Variants in SDK1 observed in about 807,000 individuals in gnomAD.
SDK1 encodes the protein sidekick cell adhesion molecule 1.
In SDK1, 157 loss-of-function variants were observed where a neutral mutation model predicts 245.5. That is an observed-to-expected ratio of 0.64 (90% confidence interval 0.56 to 0.73). SDK1 has a LOEUF of 0.73. SDK1 is among the 30% of genes least tolerant of loss of function. The probability of loss-of-function intolerance (pLI) is 0.00; values close to 1 mark genes in which losing one functional copy is unlikely to be tolerated. For synonymous variants in SDK1, 1,647 were observed against 1,278.5 expected, an observed-to-expected ratio of 1.29 and a Z score of -6.15; for missense variants, 3,583 against 3,002.3, an observed-to-expected ratio of 1.19 and a Z score of -4.52.
intron 5 of SDK1, among the ~76,000 whole-genome samples, chr7:3,859,104 C>T (rs781673741): frequency 2.2e-4 from 33 of 152,112 alleles, no homozygotes; most frequent in African/African-American, 5.8e-4. Flanking sequence ...CCTCGTGATC[C>T]GCCCGCCTCG....
intron 1 of SDK1, among the ~76,000 whole-genome samples, chr7:3,344,881 C>A (rs183525283): frequency 1.3e-5 from 2 of 152,286 alleles, no homozygotes; most frequent in African/African-American, 4.8e-5. Flanking sequence ...TACTGCCAGT[C>A]TTACTGTTGT....
chr7:3,382,093 G>A (rs115019524), intron 1 of SDK1, among the ~76,000 whole-genome samples: 2,576 of 152,040 alleles, frequency 0.017, 69 homozygotes, highest in African/African-American at 0.052. Context: ...GGCGTTACTA[G>A]TTGTCCTCAT....
intron 1 of SDK1, among the ~76,000 whole-genome samples, chr7:3,542,845 A>T (rs1270753410): frequency 6.6e-6 from 1 of 152,182 alleles, no homozygotes; most frequent in African/African-American, 2.4e-5. Flanking sequence ...AAAGACAAAG[A>T]CTTCTAAGAA....
intron 5 of SDK1, among the ~76,000 whole-genome samples, chr7:3,842,085 G>C (rs1246984049): frequency 6.6e-6 from 1 of 152,214 alleles, no homozygotes; most frequent in Non-Finnish European, 1.5e-5. Context: ...CTAACTCACA[G>C]ATGGGTCAGA....
At chr7:3,582,349 CCTCAGGTAGGTCTGT>C (rs1562579838) in intron 1 of SDK1, among the ~76,000 whole-genome samples, 3 of 141,682 alleles carry the variant, frequency 2.1e-5, no homozygotes, top group Admixed American at 7.0e-5. Flanking sequence ...GGTAGGTCTC[CCTCAGGTAGGTCTGT>C]CTCAGGTAGG....
chr7:3,303,098 G>C (rs1292650141), intron 1 of SDK1, among the ~76,000 whole-genome samples: 1 of 151,884 alleles, frequency 6.6e-6, no homozygotes, highest in Non-Finnish European at 1.5e-5. Context: ...TCCCTCTTAT[G>C]TTTTACTACA....
At chr7:3,329,884 C>A (rs1433640638) in intron 1 of SDK1, among the ~76,000 whole-genome samples, 1 of 152,124 alleles carries the variant, frequency 6.6e-6, no homozygotes, top group Non-Finnish European at 1.5e-5. Context: ...AGTAATCTAG[C>A]GATGACTTAA....
chr7:3,312,042 CTT>C (rs1484486722), intron 1 of SDK1, among the ~76,000 whole-genome samples: 1 of 152,180 alleles, frequency 6.6e-6, no homozygotes, highest in African/African-American at 2.4e-5. Flanking sequence ...ACTAGAAAAA[CTT>C]TGCCTACTGG....
chr7:3,948,922 C>G (rs896285803), intron 5 of SDK1, among the ~76,000 whole-genome samples: 1 of 152,232 alleles, frequency 6.6e-6, no homozygotes. Flanking sequence ...CCTCCCTTCA[C>G]TTCACATAAC....
At chr7:4,098,916 T>G (rs1056234516) in intron 22 of SDK1, among the ~76,000 whole-genome samples, 33 of 138,052 alleles carry the variant, frequency 2.4e-4, no homozygotes, top group African/African-American at 8.6e-4. Flanking sequence ...CAAGCGATCC[T>G]CCTGCCCCAG....
chr7:4,266,440 C>T lies in SDK1; in HGVS notation c.*1056C>T, dbSNP rs377289216. 5.2e-5 allele frequency: 51 copies of T among 985,152 alleles called. No individual in the cohort carries two copies. The highest frequency in any genetic ancestry group is 5.2e-4 in the Middle Eastern group (1 of 1,936). 61.0% of individuals were successfully genotyped at this position (985,152 alleles called of 1,614,324 possible). A position where few individuals can be genotyped will look rare whatever the true frequency, so the allele number is the denominator to read the frequency against. On this transcript the variant is annotated 3_prime_UTR_variant, in exon 45 of 45. Transcript: ENST00000404826. Reference sequence around the variant, plus strand: ...CCGACTCGCCTCGTGCACACCAGGCCGTCCCCTCCCTCTGTCCTGGCTTCT... The same window carrying T: ...CCGACTCGCCTCGTGCACACCAGGCTGTCCCCTCCCTCTGTCCTGGCTTCT...
chr7:3,787,691 G>GC (rs1785954685), intron 4 of SDK1, among the ~76,000 whole-genome samples: 2 of 151,762 alleles, frequency 1.3e-5, no homozygotes, highest in African/African-American at 4.8e-5. Flanking sequence ...TAAAATACTG[G>GC]CCAGGTCATC....
At chr7:3,914,436 G>C (rs1779295991) in intron 5 of SDK1, among the ~76,000 whole-genome samples, 1 of 152,226 alleles carries the variant, frequency 6.6e-6, no homozygotes, top group Admixed American at 6.5e-5. Context: ...ATCACAGCGA[G>C]ATTGTGGCAG....
At chr7:3,544,593 C>A (rs1214415133) in intron 1 of SDK1, among the ~76,000 whole-genome samples, 1 of 152,218 alleles carries the variant, frequency 6.6e-6, no homozygotes, top group Non-Finnish European at 1.5e-5. Flanking sequence ...ATTTTAACAT[C>A]TACAAGTTCA....
intron 2 of SDK1, among the ~76,000 whole-genome samples, chr7:3,632,924 A>C (rs1482280114): frequency 6.6e-6 from 1 of 152,164 alleles, no homozygotes; most frequent in Non-Finnish European, 1.5e-5. Flanking sequence ...CCTGCTATAG[A>C]CTCATCCCAC....
chr7:3,351,394 G>C (rs1052040525), intron 1 of SDK1, among the ~76,000 whole-genome samples: 4 of 152,146 alleles, frequency 2.6e-5, no homozygotes, highest in African/African-American at 9.7e-5. Context: ...TATGAAGACA[G>C]TATAGAGGAG....
intron 4 of SDK1, among the ~76,000 whole-genome samples, chr7:3,723,127 C>T (rs74810475): frequency 3.3e-5 from 5 of 152,244 alleles, no homozygotes; most frequent in African/African-American, 7.2e-5. Flanking sequence ...ATTCTGTCCT[C>T]AGACGTTTCT....
intron 1 of SDK1, among the ~76,000 whole-genome samples, chr7:3,542,271 G>A (rs1029102194): frequency 6.6e-6 from 1 of 152,178 alleles, no homozygotes; most frequent in Non-Finnish European, 1.5e-5. Context: ...AGCGACTGTA[G>A]ATGTTTTACA....
intron 4 of SDK1, among the ~76,000 whole-genome samples, chr7:3,811,894 A>G (rs902602674): frequency 1.3e-5 from 2 of 152,206 alleles, no homozygotes; most frequent in African/African-American, 4.8e-5. Flanking sequence ...TTACACTTTC[A>G]AAAGCTATCA....
Sources: gnomAD v4.1 joint callset for allele counts (sites outside exome capture counted in the v4.1 genomes callset) on GRCh38, gnomAD v4.1.1 for gene constraint, MANE v1.5 for transcripts, NCBI Gene and HGNC (gene_info 2026-07-23, HGNC 2026-07-21) for gene names.